The following GARNL3 variants were observed in gnomAD, a reference collection of about 807,000 sequenced individuals.
GARNL3 encodes GTPase-activating Rap/Ran-GAP domain-like protein 3.
Under a neutral mutation model 125.0 loss-of-function variants are expected in GARNL3, and 63 were observed. That is an observed-to-expected ratio of 0.50 (90% CI 0.41 to 0.62). The LOEUF is 0.62. Ranked by LOEUF, GARNL3 falls within the 20% of genes least tolerant of loss-of-function variation. The probability of loss-of-function intolerance (pLI) is 0.00; values close to 1 mark genes in which losing one functional copy is unlikely to be tolerated. For missense variants in GARNL3, 994 were observed against 1,244.0 expected (o/e 0.80, Z 3.02); for synonymous variants, 439 against 457.5 (o/e 0.96, Z 0.52).
At chr9:127,231,050 A>ATACATATATATATATATATATATT (rs1161629810) in intron 1 of GARNL3, among the ~76,000 whole-genome samples, 1 of 89,580 alleles carries the variant, frequency 1.1e-5, no homozygotes, top group African/African-American at 7.9e-5. Context: ...ATATATATAT[A>ATACATATATATATATATATATATT]TTTTTTTTTT....
At chr9:127,344,139 G>A in intron 14 of GARNL3, 96 bp from the exon 15 acceptor site, 1 of 811,518 alleles carries the variant, frequency 1.2e-6, no homozygotes, top group Non-Finnish European at 2.0e-6. Flanking sequence ...GGTAGAAATA[G>A]GACCATTTGG....
At chr9:127,299,707 A>T (rs889172337) in intron 2 of GARNL3, among the ~76,000 whole-genome samples, 1 of 152,122 alleles carries the variant, frequency 6.6e-6, no homozygotes. Flanking sequence ...AGTAGCTGGG[A>T]CTACAGGCAC....
intron 1 of GARNL3, chr9:127,225,451 G>C (rs1360636598): frequency 7.7e-6 from 6 of 778,762 alleles, no homozygotes; most frequent in East Asian, 1.3e-4. Context: ...CCGGCCACGT[G>C]GGGGGATGGC....
chr9:127,313,766 AC>A (rs1275572705), intron 4 of GARNL3, among the ~76,000 whole-genome samples: 6 of 151,750 alleles, frequency 4.0e-5, no homozygotes, highest in Non-Finnish European at 8.8e-5. Flanking sequence ...AAAAAAAAAA[AC>A]TTATTTATTT....
Position 127,388,985 on chromosome 9 carries a change from C to T in GARNL3, c.2609C>T (p.Pro870Leu). Residue 870 changes from proline (P) to leucine (L), a missense_variant, in exon 26 of 28, where the codon CCC (proline) becomes CTC (leucine). Around this residue, in one of 5 missense-constraint regions of GARNL3, gnomAD observed 728 missense variants for 865.7 expected, o/e 0.84. Coordinates refer to ENST00000373387, the MANE Select transcript of GARNL3 (RefSeq NM_032293.5). Reference sequence around the variant, plus strand: ...AGCATCGAACGACCTCTGAAGTCACCCTTAGTCTCCAAGGTCATCACCCCA... The same window carrying T: ...AGCATCGAACGACCTCTGAAGTCACTCTTAGTCTCCAAGGTCATCACCCCA... Reference protein sequence around the residue: ...GRSIERPLKSPLVSKVITPPT... With the variant: ...GRSIERPLKSLLVSKVITPPT... 6.2e-7 allele frequency: 1 copy of T among 1,613,410 alleles called. No homozygotes were observed.
chr9:127,225,548 C>G (rs1179499773), intron 1 of GARNL3: 1 of 216,696 alleles, frequency 4.6e-6, no homozygotes, highest in Non-Finnish European at 7.8e-6. Flanking sequence ...CCGGGCTGAA[C>G]GGCCGTGGGC....
Position 127,349,039 on chromosome 9 carries a change from A to G in GARNL3, c.1543+4A>G. The G allele has an allele frequency of 6.3e-7, 1 of 1,588,268 alleles. No homozygotes were observed. The highest frequency in any genetic ancestry group is 8.6e-7 in the Non-Finnish European group (1 of 1,156,306). On this transcript the variant is annotated splice_donor_region_variant and intron_variant, in intron 17 of 27. Coordinates refer to ENST00000373387, the MANE Select transcript of GARNL3 (RefSeq NM_032293.5). ...GCTGGCGTCTTGCTAGTGGATGGTT[A>G]GTGAGTAGCTGCTCCTACAAATGTC... is the stretch of plus-strand genomic sequence containing the variant.
intron 2 of GARNL3, among the ~76,000 whole-genome samples, chr9:127,255,299 T>C (rs2063478579): frequency 6.6e-6 from 1 of 152,192 alleles, no homozygotes; most frequent in Non-Finnish European, 1.5e-5. Context: ...ATATAGCAGC[T>C]AAAGTGGGTG....
At chr9:127,370,708 T>G (rs1323976280) in intron 22 of GARNL3, among the ~76,000 whole-genome samples, 1 of 152,340 alleles carries the variant, frequency 6.6e-6, no homozygotes, top group East Asian at 1.9e-4. Flanking sequence ...CTTCTTGCTT[T>G]CTTTCTGCCC....
Position 127,335,027 on chromosome 9 carries a change from G to T in GARNL3, c.770-203G>T, listed in dbSNP as rs115490638. ...TCTGAGGCAAGGCATGAATTGGACAGCAAGTGAGCTTAGGGAGAGAGGAAG... is the reference window on the plus strand; with the variant it reads ...TCTGAGGCAAGGCATGAATTGGACATCAAGTGAGCTTAGGGAGAGAGGAAG... On this transcript the variant is annotated intron_variant, in intron 9 of 27. Transcript: ENST00000373387. 2.7e-3 allele frequency among the ~76,000 whole-genome samples: 413 copies of T among 152,364 alleles called. 2 individuals are homozygous for T. The highest frequency in any genetic ancestry group is 9.4e-3 in the African/African-American group (389 of 41,586).
intron 15 of GARNL3, 116 bp downstream of exon 15, chr9:127,344,455 CT>C: frequency 2.7e-6 from 2 of 737,014 alleles, no homozygotes; most frequent in Non-Finnish European, 4.8e-6. Flanking sequence ...TCTGTAATTT[CT>C]GTTAGGATTG....
At chr9:127,269,114 T>C (rs1242055052) in intron 1 of GARNL3, among the ~76,000 whole-genome samples, 2 of 152,172 alleles carry the variant, frequency 1.3e-5, no homozygotes, top group African/African-American at 4.8e-5. Flanking sequence ...TCCTCCTACC[T>C]CAGCCTCCCA....
chr9:127,376,409 G>A (rs999288233), intron 22 of GARNL3, among the ~76,000 whole-genome samples: 1 of 151,592 alleles, frequency 6.6e-6, no homozygotes, highest in Non-Finnish European at 1.5e-5. Context: ...TAGTGGAGAC[G>A]GGGTTTCACC....
Position 127,384,396 on chromosome 9 carries a change from G to A in GARNL3, c.2270-631G>A, listed in dbSNP as rs113973192. Among the ~76,000 whole-genome samples, 49 of 152,268 alleles carry A rather than the reference G, an allele frequency of 3.2e-4. No individual in the cohort carries two copies. The highest frequency in any genetic ancestry group is 1.1e-3 in the African/African-American group (47 of 41,542). ...CACGAAGTGCCAGGAAGAAAGAGGT[G>A]TGCCCCAGGGCAGCCAGGGCAGGCA... On this transcript the variant is annotated intron_variant, in intron 23 of 27. Transcript: ENST00000373387. The surrounding 1 kb of genome is among the most constrained non-coding windows in gnomAD (Gnocchi z 4.0).
At chr9:127,339,491 G>A (rs1322503352) in intron 12 of GARNL3, among the ~76,000 whole-genome samples, 154 bp from the exon 13 acceptor site, 1 of 152,110 alleles carries the variant, frequency 6.6e-6, no homozygotes, top group African/African-American at 2.4e-5. Context: ...AATAGCACGG[G>A]AAAGACTGGC....
chr9:127,383,205 C>T (rs935968338), intron 22 of GARNL3, among the ~76,000 whole-genome samples: 1 of 152,184 alleles, frequency 6.6e-6, no homozygotes, highest in African/African-American at 2.4e-5. Context: ...CAGTGCCTGG[C>T]ACATAGTAAA....
intron 2 of GARNL3, among the ~76,000 whole-genome samples, chr9:127,252,960 G>A (rs1189152278): frequency 2.6e-5 from 4 of 152,184 alleles, no homozygotes; most frequent in African/African-American, 9.7e-5. Flanking sequence ...CATTATGATT[G>A]CTCCCATAGT....
intron 1 of GARNL3, among the ~76,000 whole-genome samples, chr9:127,279,986 A>C (rs1001579465): frequency 6.6e-6 from 1 of 152,074 alleles, no homozygotes; most frequent in Non-Finnish European, 1.5e-5. Context: ...GTGAGATAGG[A>C]TATTCTCCTG....
chr9:127,276,856 G>A (rs906247733), intron 1 of GARNL3, among the ~76,000 whole-genome samples: 3 of 152,206 alleles, frequency 2.0e-5, no homozygotes, highest in Non-Finnish European at 4.4e-5. Context: ...AGCCTTTTGA[G>A]TGCTTTGTAT....
Sources: gnomAD v4.1 joint callset for allele counts (sites outside exome capture counted in the v4.1 genomes callset) on GRCh38, gnomAD v4.1.1 for gene constraint, gnomAD v4.1.1 regional missense constraint, Gnocchi (gnomAD v3.1) non-coding constraint, MANE v1.5 for transcripts, NCBI Gene and HGNC (gene_info 2026-07-23, HGNC 2026-07-21) for gene names.